Variants in ATP10D observed in about 807,000 individuals in gnomAD.
The protein encoded by ATP10D is phospholipid-transporting ATPase VD.
ATP10D carries 89 observed loss-of-function variants against 144.8 expected under a neutral mutation model. The observed-to-expected ratio is 0.61, with a 90% CI of 0.52 to 0.73. ATP10D has a LOEUF of 0.73. ATP10D is among the 30% of genes least tolerant of loss of function. The probability of loss-of-function intolerance (pLI) is 0.00; values close to 1 mark genes in which losing one functional copy is unlikely to be tolerated. For missense variants in ATP10D, 1,603 were observed against 1,714.8 expected (o/e 0.93, Z 1.15); for synonymous variants, 571 against 615.1 (o/e 0.93, Z 1.06).
intron 1 of ATP10D, among the ~76,000 whole-genome samples, chr4:47,502,597 CAT>C (rs1378489586): frequency 6.8e-6 from 1 of 147,564 alleles, no homozygotes. Context: ...TTTAATTATA[CAT>C]GTTTTTCTTT....
Position 47,523,212 on chromosome 4 carries a change from A to G in ATP10D, c.686A>G (p.Glu229Gly). Residue 229 changes from glutamate (E) to glycine (G), a missense_variant, in exon 4 of 23, where the codon GAA (glutamate) becomes GGA (glycine). Physicochemically the swap from Glu to Gly is moderately conservative, Grantham distance 98 (BLOSUM62 -2). Transcript: ENST00000273859. ...KQRQVVRGYA[E>G]QDSEVDPEKF... ...AGGCAGGTGGTTCGGGGATATGCAGAACAGGTAAGTCATATGTTCTCAGTT... is the reference window on the plus strand; with the variant it reads ...AGGCAGGTGGTTCGGGGATATGCAGGACAGGTAAGTCATATGTTCTCAGTT... 1.2e-6 allele frequency: 2 copies of G among 1,613,788 alleles called. No individual in the cohort carries two copies. The highest frequency in any genetic ancestry group is 2.2e-5 in the East Asian group (1 of 44,864).
At chr4:47,582,175 T>C (rs913586995) in intron 21 of ATP10D, 111 bp downstream of exon 21, 10 of 874,900 alleles carry the variant, frequency 1.1e-5, no homozygotes, top group African/African-American at 6.7e-5. Context: ...GTAATGAATC[T>C]ATGGGAGAAG....
At position 47,512,634 on chromosome 4, in the gene ATP10D, T is replaced by A. The variant is rs1163668388; in HGVS notation, c.94T>A (p.Ser32Thr). Residue 32 changes from serine (S) to threonine (T), a missense_variant, in exon 2 of 23, where the codon TCG (serine) becomes ACG (threonine). Ser to Thr is a moderately conservative substitution (Grantham distance 58, BLOSUM62 1). Transcript: ENST00000273859. ...DDDSGPYNYS[S>T]LLACGRKSSQ... ...TGATTCAGGGCCATACAACTATTCC[T>A]CGTTGCTCGCCTGTGGGCGCAAGTC... 6.2e-7 allele frequency: 1 copy of A among 1,614,024 alleles called. No individual in the cohort carries two copies. Among genetic ancestry groups the A allele is most frequent in the African/African-American group, 1.3e-5 (1 of 74,912 alleles).
chr4:47,534,238 C>T (rs768943017), intron 5 of ATP10D, among the ~76,000 whole-genome samples: 6 of 152,134 alleles, frequency 3.9e-5, no homozygotes, highest in African/African-American at 9.7e-5. Context: ...GAATTTACCA[C>T]GTTTTAGAAC....
Position 47,563,692 on chromosome 4 carries a change from C to T in ATP10D, c.2780C>T (p.Ala927Val), listed in dbSNP as rs1719441827. ...CTGACAGGGGACAAGCAGGAGACAG[C>T]TGTCAACATAGCTTATGCATGCAAA... ...WMLTGDKQET[A>V]VNIAYACKLL... Residue 927 changes from alanine (A) to valine (V), a missense_variant, in exon 15 of 23, where the codon GCT becomes GTT. By Grantham distance (64) the Ala-to-Val change is moderately conservative (BLOSUM62 0). Coordinates refer to ENST00000273859, the MANE Select transcript of ATP10D (RefSeq NM_020453.4). 1 of 1,613,956 alleles carries T rather than the reference C, an allele frequency of 6.2e-7. No homozygotes were observed. Among genetic ancestry groups the T allele is most frequent in the African/African-American group, 1.3e-5 (1 of 75,002 alleles).
intron 1 of ATP10D, chr4:47,491,220 G>A (rs949717187): frequency 6.0e-5 from 46 of 760,400 alleles, no homozygotes; most frequent in Middle Eastern, 2.4e-4. Flanking sequence ...CAAGAATCTT[G>A]CCCTTAACTT....
intron 21 of ATP10D, 45 bp downstream of exon 21, chr4:47,582,109 C>A: frequency 6.8e-7 from 1 of 1,462,558 alleles, no homozygotes; most frequent in Non-Finnish European, 9.6e-7. Flanking sequence ...ATCTTTTATG[C>A]TTGGGGATAT....
intron 9 of ATP10D, among the ~76,000 whole-genome samples, chr4:47,542,653 A>G (rs1312785486): frequency 6.6e-6 from 1 of 151,120 alleles, no homozygotes; most frequent in African/African-American, 2.4e-5. Context: ...AATTTTGTGT[A>G]TTTTTAGTAG....
At chr4:47,546,968 A>G in intron 10 of ATP10D, 106 bp downstream of exon 10, 2 of 1,058,982 alleles carry the variant, frequency 1.9e-6, no homozygotes, top group Non-Finnish European at 2.8e-6. Context: ...TCTACCTTAG[A>G]AGAGACTACA....
chr4:47,557,681 G>C lies in ATP10D; in HGVS notation c.1842G>C (p.Leu614=), dbSNP rs748763272. 4.4e-6 allele frequency: 7 copies of C among 1,607,296 alleles called. No homozygotes were observed. The highest frequency in any genetic ancestry group is 3.3e-5 in the Admixed American group (2 of 59,716). The part of the protein sequence containing the change: ...QPRQKIRHPS[L]GGLPIKSLEE... ...TTTCATAGATCAGACACCCTTCACT[G>C]GGGGGGTTGCCCATTAAGTCTTTGG... Residue 614 remains leucine (L), a synonymous_variant, in exon 12 of 23, where the codon CTG becomes CTC. Transcript: ENST00000273859.
At position 47,580,424 on chromosome 4, in the gene ATP10D, C is replaced by T; in HGVS notation, c.3594C>T (p.Ile1198=). The T allele has an allele frequency of 1.2e-6, 2 of 1,613,736 alleles. No individual in the cohort carries two copies. Among genetic ancestry groups the T allele is most frequent in the Non-Finnish European group, 1.7e-6 (2 of 1,179,732 alleles). Residue 1198 remains isoleucine, a synonymous_variant, in exon 20 of 23, where the codon ATC becomes ATT. Coordinates refer to ENST00000273859, the MANE Select transcript of ATP10D (RefSeq NM_020453.4). ...SEAYLPHTFW[I]TLLDAFYQSL... is the part of the protein sequence containing the mutation. ...CATACTTACCCCATACCTTCTGGAT[C>T]ACCTTATTGGATGCTTTTTATCAAA...
chr4:47,577,714 A>G (rs1451811364), intron 19 of ATP10D, among the ~76,000 whole-genome samples: 1 of 152,238 alleles, frequency 6.6e-6, no homozygotes, highest in Non-Finnish European at 1.5e-5. Flanking sequence ...TCCTTACACT[A>G]CCTAGAACAA....
intron 1 of ATP10D, among the ~76,000 whole-genome samples, chr4:47,492,760 TATCA>T (rs1476283208): frequency 6.6e-6 from 1 of 152,184 alleles, no homozygotes; most frequent in Non-Finnish European, 1.5e-5. Context: ...ATCTTTCATC[TATCA>T]GACTGAATTT....
At chr4:47,532,893 C>T (rs766333065) in intron 5 of ATP10D, among the ~76,000 whole-genome samples, 6 of 152,188 alleles carry the variant, frequency 3.9e-5, no homozygotes, top group East Asian at 3.9e-4. Flanking sequence ...TGGGTTGGAG[C>T]GCTGGGCACA....
At chr4:47,576,644 G>A in intron 18 of ATP10D, 129 bp from the exon 19 acceptor site, 2 of 804,540 alleles carry the variant, frequency 2.5e-6, no homozygotes, top group Non-Finnish European at 4.1e-6. Context: ...GTAAATTGTG[G>A]TCCTATCTTA....
At chr4:47,499,780 T>A (rs1251361741) in intron 1 of ATP10D, among the ~76,000 whole-genome samples, 1 of 152,222 alleles carries the variant, frequency 6.6e-6, no homozygotes, top group Non-Finnish European at 1.5e-5. Flanking sequence ...TTTAAAAAGG[T>A]TACTCAGAAT....
intron 1 of ATP10D, among the ~76,000 whole-genome samples, chr4:47,489,559 AAAC>A (rs1474745503): frequency 2.0e-5 from 3 of 152,206 alleles, no homozygotes; most frequent in Non-Finnish European, 2.9e-5. Context: ...TTATCAGAGA[AAAC>A]AAGTCACTAT....
At chr4:47,497,130 C>T (rs1011420961) in intron 1 of ATP10D, among the ~76,000 whole-genome samples, 2 of 152,134 alleles carry the variant, frequency 1.3e-5, no homozygotes, top group African/African-American at 2.4e-5. Flanking sequence ...CGTGAGCCAC[C>T]GCACCTGGCC....
rs143624085 is a variant in ATP10D, at chr4:47,535,981, T to C, written c.963T>C (p.Asp321=). The C allele has an allele frequency of 1.4e-4, 230 of 1,612,938 alleles. No homozygotes were observed. Among genetic ancestry groups the C allele is most frequent in the Admixed American group, 3.3e-5 (2 of 59,922 alleles). The change falls in exon 7 of 23, where the codon GAT becomes GAC. Residue 321 remains aspartate, a synonymous_variant. Transcript: ENST00000273859. ...RSKLERRANT[D]VLWCVMLLVI... ...AATTAGAAAGAAGAGCAAACACAGA[T>C]GTCCTCTGGTGTGTCATGCTTCTGG...
Sources: allele counts gnomAD v4.1 joint callset (sites outside exome capture counted in the v4.1 genomes callset), GRCh38; gene constraint gnomAD v4.1.1; transcripts MANE v1.5; gene names NCBI Gene and HGNC (gene_info 2026-07-23, HGNC 2026-07-21).